HECW1: variants seen among roughly 807,000 people sequenced by gnomAD.
HECW1 encodes HECT, C2 and WW domain containing E3 ubiquitin protein ligase 1.
Under a neutral mutation model 182.3 loss-of-function variants are expected in HECW1, and 61 were observed. The ratio of observed to expected loss-of-function variants is 0.33; its 90% confidence interval spans 0.27 to 0.41. The LOEUF (loss-of-function observed/expected upper bound fraction) is 0.41, where lower values mean the gene tolerates loss of function less well. Among genes scored for constraint, HECW1 ranks in the 10% least tolerant of loss-of-function variants. The probability of loss-of-function intolerance (pLI) is 1.00; values close to 1 mark genes in which losing one functional copy is unlikely to be tolerated. For missense variants in HECW1, 1,739 were observed against 2,108.9 expected (o/e 0.82, Z 3.44); for synonymous variants, 859 against 832.6 (o/e 1.03, Z -0.55).
chr7:43,378,060 A>G (rs2074396781), intron 6 of HECW1: 2 of 173,942 alleles, frequency 1.1e-5, no homozygotes, highest in East Asian at 2.0e-4. Flanking sequence ...AGTTGAGTTT[A>G]ATTGGAAACT....
intron 2 of HECW1, among the ~76,000 whole-genome samples, chr7:43,241,963 G>A (rs548028107): frequency 1.3e-5 from 2 of 152,210 alleles, no homozygotes; most frequent in South Asian, 2.1e-4. Context: ...TCAGGCAGCA[G>A]GGACAGCACA....
chr7:43,222,908 G>A (rs114368554), intron 2 of HECW1, among the ~76,000 whole-genome samples: 2,844 of 152,250 alleles, frequency 0.019, 86 homozygotes, highest in African/African-American at 0.052. Context: ...GTGCATTGGT[G>A]ACATACATTT....
chr7:43,331,690 G>A (rs983467855), intron 5 of HECW1, among the ~76,000 whole-genome samples: 10 of 152,136 alleles, frequency 6.6e-5, no homozygotes, highest in Admixed American at 1.3e-4. Context: ...GTGCTTACAG[G>A]TATCAACGTT....
At chr7:43,383,892 G>A (rs1413766127) in intron 6 of HECW1, among the ~76,000 whole-genome samples, 2 of 152,040 alleles carry the variant, frequency 1.3e-5, no homozygotes, top group African/African-American at 4.8e-5. Context: ...AATAAAGTAA[G>A]CTAGAGAAAA....
Position 43,479,467 on chromosome 7 carries a change from G to C in HECW1, c.3100-143G>C, listed in dbSNP as rs927699771. 5.9e-6 allele frequency: 6 copies of C among 1,011,174 alleles called. No homozygotes were observed. The Admixed American group carries it at 7.0e-5, about 12-fold the overall frequency. 62.6% of individuals were successfully genotyped at this position (1,011,174 alleles called of 1,614,324 possible). A position where few individuals can be genotyped will look rare whatever the true frequency, so the allele number is the denominator to read the frequency against. On this transcript the variant is annotated intron_variant, in intron 16 of 29. Coordinates refer to ENST00000395891, the MANE Select transcript of HECW1 (RefSeq NM_015052.5). ...GAACTAGATAGATGAGTTTTGAGTA[G>C]ATTAAAAAAGGAAGTAGGGGTAGGG...
rs909659468 is a variant in HECW1, at chr7:43,480,643, A to G, written c.3234+899A>G. 9.5e-5 allele frequency among the ~76,000 whole-genome samples: 14 copies of G among 146,760 alleles called. No homozygotes were observed. In the East Asian group the frequency reaches 9.8e-4, roughly 10 times the overall value. On this transcript the variant is annotated intron_variant, in intron 17 of 29. Transcript: ENST00000395891. ...TGTGTGCGTGTGTGTGTGTGTACAT[A>G]TGTGTGTGTGTGTGTATATATATAC... is the stretch of plus-strand genomic sequence containing the variant.
intron 5 of HECW1, among the ~76,000 whole-genome samples, chr7:43,359,016 A>C (rs2215594): frequency 0.13 from 19,860 of 151,660 alleles, 1,408 homozygotes; most frequent in South Asian, 0.26. Flanking sequence ...AGTAGAGATG[A>C]GGTTTCACCA....
At chr7:43,274,248 C>T (rs1334510444) in intron 3 of HECW1, 2 of 763,284 alleles carry the variant, frequency 2.6e-6, no homozygotes, top group East Asian at 2.7e-5. Context: ...CTACTGCATG[C>T]GAATCTTTGC....
rs1366110534 is a variant in HECW1, at chr7:43,550,547, G to A, written c.4351G>A (p.Gly1451Ser). ...ERMVKWRVER[G>S]VVQQTEALVR... Reference sequence around the variant, plus strand: ...CATGGTGAAGTGGCGGGTGGAGCGCGGCGTGGTACAGCAGACCGAGGCGCT... The same window carrying A: ...CATGGTGAAGTGGCGGGTGGAGCGCAGCGTGGTACAGCAGACCGAGGCGCT... The change falls in exon 27 of 30, where the codon GGC becomes AGC. Residue 1451 changes from glycine to serine, a missense_variant. By Grantham distance (56) the Gly-to-Ser change is moderately conservative (BLOSUM62 0). This residue lies in a region of HECW1 where 420 missense variants were observed against 595.7 expected (regional missense o/e 0.71). Coordinates refer to ENST00000395891, the MANE Select transcript of HECW1 (RefSeq NM_015052.5). 3 of 1,611,086 alleles carry A rather than the reference G, an allele frequency of 1.9e-6. No individual in the cohort carries two copies. Among genetic ancestry groups the A allele is most frequent in the East Asian group, 2.2e-5 (1 of 44,842 alleles).
At chr7:43,117,025 G>A (rs1281526651) in intron 2 of HECW1, among the ~76,000 whole-genome samples, 1 of 152,162 alleles carries the variant, frequency 6.6e-6, no homozygotes, top group Non-Finnish European at 1.5e-5. Context: ...TAACTACTTT[G>A]AGCCTTCTGT....
At chr7:43,296,001 T>C (rs778407901) in intron 3 of HECW1, among the ~76,000 whole-genome samples, 4 of 152,186 alleles carry the variant, frequency 2.6e-5, no homozygotes, top group Non-Finnish European at 5.9e-5. Context: ...TTACTTATAA[T>C]GGAGAAAAAT....
chr7:43,549,055 C>A, intron 26 of HECW1, among the ~76,000 whole-genome samples: 1 of 152,218 alleles, frequency 6.6e-6, no homozygotes, highest in Non-Finnish European at 1.5e-5. Context: ...AGCCCAGATG[C>A]GTACAGCATC....
chr7:43,530,976 G>T (rs1045445340), intron 24 of HECW1, among the ~76,000 whole-genome samples: 1 of 149,976 alleles, frequency 6.7e-6, no homozygotes, highest in African/African-American at 2.5e-5. Context: ...CAGTTTAAAG[G>T]GTGAACTTGT....
At chr7:43,401,437 A>G (rs150652866) in intron 7 of HECW1, among the ~76,000 whole-genome samples, 3 of 152,308 alleles carry the variant, frequency 2.0e-5, no homozygotes, top group Admixed American at 1.3e-4. Context: ...CTGAACAGAA[A>G]CAGTAATAGA....
intron 3 of HECW1, among the ~76,000 whole-genome samples, chr7:43,288,541 C>T (rs1039277508): frequency 6.6e-6 from 1 of 152,188 alleles, no homozygotes; most frequent in Non-Finnish European, 1.5e-5. Context: ...CAAGGCAGAG[C>T]TTTGAGGCCC....
At chr7:43,382,747 T>C (rs1192084810) in intron 6 of HECW1, among the ~76,000 whole-genome samples, 2 of 152,146 alleles carry the variant, frequency 1.3e-5, no homozygotes, top group Admixed American at 6.5e-5. Flanking sequence ...TGCACATAGT[T>C]CAAAATGATG....
rs550531819 is a variant in HECW1 at position 43,284,005 on chromosome 7, G to T, written c.28-27758G>T. 1.6e-3 allele frequency among the ~76,000 whole-genome samples: 242 copies of T among 152,226 alleles called. 7 individuals carry two copies. Among genetic ancestry groups the T allele is most frequent in the Admixed American group, 0.011 (172 of 15,290 alleles). The stretch of plus-strand genomic sequence containing the variant: ...GTCTGCCCTTTGATTCAAGGACAAG[G>T]GAAGTAGAGATGTGGGGATTGAGTC... On this transcript the variant is annotated intron_variant, in intron 3 of 29. Transcript: ENST00000395891.
rs1175916636 is a variant in HECW1, at chr7:43,177,438, G to A, written c.-32+63047G>A. ...TCTGAGCCTGATCCCAGGGCAGTCT[G>A]GACTGAGTTTGTCCCTCATCAAGTT... On this transcript the variant is annotated intron_variant, in intron 2 of 29. Transcript: ENST00000395891. Among the ~76,000 whole-genome samples the A allele has an allele frequency of 2.6e-5, 4 of 152,186 alleles. No homozygotes were observed. The East Asian group carries it at 7.7e-4, about 29-fold the overall frequency.
intron 2 of HECW1, among the ~76,000 whole-genome samples, chr7:43,185,015 C>T (rs771736601): frequency 2.8e-4 from 43 of 152,056 alleles, no homozygotes; most frequent in African/African-American, 9.2e-4. Context: ...GATCCAGTCA[C>T]CCCCACCCCC....
Sources: allele counts gnomAD v4.1 joint callset (sites outside exome capture counted in the v4.1 genomes callset), GRCh38; gene constraint gnomAD v4.1.1; regional missense constraint gnomAD v4.1.1; transcripts MANE v1.5; gene names NCBI Gene and HGNC (gene_info 2026-07-23, HGNC 2026-07-21).